PHF21B: variants seen among roughly 807,000 people sequenced by gnomAD.
PHF21B encodes the protein PHD finger protein 21B, also known as PHD finger protein 4.
Under a neutral mutation model 62.2 loss-of-function variants are expected in PHF21B, and 22 were observed. The observed-to-expected ratio is 0.35, with a 90% CI of 0.25 to 0.51. PHF21B has a LOEUF of 0.51. Among genes scored for constraint, PHF21B ranks in the 20% least tolerant of loss-of-function variants. PHF21B has a pLI of 0.97. For missense variants in PHF21B, 701 were observed against 707.9 expected, an observed-to-expected ratio of 0.99 and a Z score of 0.11; for synonymous variants, 341 against 314.7, an observed-to-expected ratio of 1.08 and a Z score of -0.88.
chr22:44,928,612 G>T lies in PHF21B; in HGVS notation c.121-8122C>A, dbSNP rs993102368. Among the ~76,000 whole-genome samples the T allele has an allele frequency of 5.9e-5, 9 of 152,276 alleles. 1 individual carries two copies. On this transcript the variant is annotated intron_variant, in intron 2 of 12. Transcript: ENST00000313237. ...TTTAGTAGAGACAGTGTTTCACCAT[G>T]TTGACTGGGCTGGTCTCGAACTCCC...
intron 2 of PHF21B, among the ~76,000 whole-genome samples, chr22:44,939,933 CA>C (rs1359607553): frequency 6.6e-6 from 1 of 152,052 alleles, no homozygotes; most frequent in Non-Finnish European, 1.5e-5. Context: ...GGGCTTTAAG[CA>C]GGAAGAGTGA....
At chr22:44,923,797 C>T (rs898666819) in intron 2 of PHF21B, among the ~76,000 whole-genome samples, 4 of 151,912 alleles carry the variant, frequency 2.6e-5, no homozygotes, top group African/African-American at 9.7e-5. Flanking sequence ...GTAGGCCAAT[C>T]TCTTGAGGCC....
chr22:44,926,271 G>A (rs2071629554), intron 2 of PHF21B, among the ~76,000 whole-genome samples: 1 of 152,242 alleles, frequency 6.6e-6, no homozygotes, highest in African/African-American at 2.4e-5. Context: ...GGCCCACATG[G>A]CATGTCCCCG....
chr22:44,969,740 C>G (rs1793854858), intron 2 of PHF21B, among the ~76,000 whole-genome samples: 2 of 152,132 alleles, frequency 1.3e-5, no homozygotes, highest in South Asian at 4.1e-4. Flanking sequence ...GCCTGGGGGC[C>G]CAGCTGGCTC....
At chr22:44,999,211 G>A (rs4823430) in intron 2 of PHF21B, among the ~76,000 whole-genome samples, 152,358 of 152,360 alleles carry the variant, frequency 1, 76,178 homozygotes, top group Non-Finnish European at 1. Flanking sequence ...ACAACACAGA[G>A]CAATCTTCAG....
Position 45,009,118 on chromosome 22 carries a change from T to G in PHF21B, c.54+378A>C. ...AAACTACTTCTGCACACCGGGCAGG[T>G]TCGCCCGGGGCGCGGGGGCCCGAGG... On this transcript the variant is annotated intron_variant, in intron 1 of 12. Transcript: ENST00000313237. This position sits in a 1 kb window ranked among gnomAD's most constrained non-coding sequence, Gnocchi z 5.9. 1.1e-6 allele frequency: 1 copy of G among 888,078 alleles called. No homozygotes were observed. Among genetic ancestry groups the G allele is most frequent in the Non-Finnish European group, 1.4e-6 (1 of 694,254 alleles). 55.0% of individuals were successfully genotyped at this position (888,078 alleles called of 1,614,324 possible).
chr22:44,893,116 G>A lies in PHF21B; in HGVS notation c.960+341C>T, dbSNP rs1294772085. 1.3e-5 allele frequency among the ~76,000 whole-genome samples: 2 copies of A among 152,236 alleles called. 1 individual carries two copies. The highest frequency in any genetic ancestry group is 2.9e-5 in the Non-Finnish European group (2 of 68,000). On this transcript the variant is annotated intron_variant, in intron 7 of 12. Coordinates refer to ENST00000313237, the MANE Select transcript of PHF21B (RefSeq NM_138415.5). ...CTAGACAAGGTGTGAGGTGGTCCAG[G>A]GAGGCCAGGGTGTCCAGCCCTGCCT...
intron 5 of PHF21B, among the ~76,000 whole-genome samples, chr22:44,911,610 G>C (rs1041873984): frequency 6.6e-6 from 1 of 152,244 alleles, no homozygotes; most frequent in Admixed American, 6.5e-5. Flanking sequence ...TGCAGGTGCA[G>C]AGAAGTCAAG....
intron 12 of PHF21B, 138 bp from the exon 13 acceptor site, chr22:44,883,442 G>A (rs1171441202): frequency 2.8e-6 from 2 of 720,922 alleles, no homozygotes; most frequent in African/African-American, 3.6e-5. Flanking sequence ...CAAAAACCAG[G>A]CAGTGGTGCA....
chr22:44,889,744 GGGA>G lies in PHF21B; in HGVS notation c.1038+13_1038+15del. The G allele has an allele frequency of 1.3e-6, 2 of 1,584,722 alleles. No individual in the cohort carries two copies. The highest frequency in any genetic ancestry group is 1.7e-6 in the Non-Finnish European group (2 of 1,168,466). On this transcript the variant is annotated intron_variant, in intron 9 of 12. Transcript: ENST00000313237. ...TCCACCCCGGAAGTGTGAAGACGGA[GGGA>G]GGGGACACGTACCTTCCAGCAGGGG... is the stretch of plus-strand genomic sequence containing the variant.
intron 12 of PHF21B, among the ~76,000 whole-genome samples, chr22:44,884,767 C>T (rs953866822): frequency 1.4e-5 from 2 of 141,506 alleles, no homozygotes; most frequent in South Asian, 2.3e-4. Flanking sequence ...ATCATTACCA[C>T]CATCACCATC....
In PHF21B at chr22:44,983,419, C is replaced by T. The variant is rs1023573545; in HGVS notation, c.120+25126G>A. Among the ~76,000 whole-genome samples the T allele has an allele frequency of 4.6e-5, 7 of 152,238 alleles. No individual in the cohort carries two copies. The South Asian group carries it at 1.2e-3, about 27-fold the overall frequency. On this transcript the variant is annotated intron_variant, in intron 2 of 12. Transcript: ENST00000313237. ...CCACTTGGCCCAGGGGAACTCACTACCTCAGGCAGAGGCTTCAGCATGAAC... is the reference window on the plus strand; with the variant it reads ...CCACTTGGCCCAGGGGAACTCACTATCTCAGGCAGAGGCTTCAGCATGAAC...
At chr22:44,893,420 C>T (rs1347339707) in intron 7 of PHF21B, 37 bp downstream of exon 7, 3 of 1,563,500 alleles carry the variant, frequency 1.9e-6, no homozygotes, top group Middle Eastern at 1.7e-4. Context: ...TGGGAGCCCC[C>T]ACCCTCCTGG....
At chr22:44,963,304 C>T (rs951813644) in intron 2 of PHF21B, among the ~76,000 whole-genome samples, 13 of 152,232 alleles carry the variant, frequency 8.5e-5, no homozygotes, top group African/African-American at 3.1e-4. Flanking sequence ...GCAGCGGCCC[C>T]GAGCGCAAGA....
At position 44,896,882 on chromosome 22, in the gene PHF21B, T is replaced by TTTTTTTGTTTTTG. The variant is rs2071068171; in HGVS notation, c.832-800_832-799insCAAAAACAAAAAA. 5.0e-5 allele frequency among the ~76,000 whole-genome samples: 6 copies of TTTTTTTGTTTTTG among 120,618 alleles called. 1 individual carries two copies. In the Admixed American group the frequency reaches 5.4e-4, roughly 11 times the overall value. The allele number at this position is 120,618 out of a possible 152,430, so 79.1% of individuals were successfully genotyped here. On this transcript the variant is annotated intron_variant, in intron 5 of 12. Coordinates refer to ENST00000313237, the MANE Select transcript of PHF21B (RefSeq NM_138415.5). ...CAGGGTGGCACTTAGTTTTATCTGTTTTTTTTTTTTTTTTGAGACAGGTTC... is the reference window on the plus strand; with the variant it reads ...CAGGGTGGCACTTAGTTTTATCTGTTTTTTTTGTTTTTGTTTTTTTTTTTTTTGAGACAGGTTC...
intron 2 of PHF21B, among the ~76,000 whole-genome samples, chr22:45,001,459 T>C (rs1313232724): frequency 6.6e-6 from 1 of 152,174 alleles, no homozygotes; most frequent in South Asian, 2.1e-4. Flanking sequence ...CATCGTCCCA[T>C]CTGCCACCTG....
chr22:45,002,300 A>G (rs1370751117), intron 2 of PHF21B, among the ~76,000 whole-genome samples: 1 of 152,210 alleles, frequency 6.6e-6, no homozygotes, highest in Non-Finnish European at 1.5e-5. Flanking sequence ...ACATGTAACT[A>G]TAAATTGCAT....
intron 8 of PHF21B, among the ~76,000 whole-genome samples, chr22:44,890,439 G>A (rs1197027291): frequency 6.6e-6 from 1 of 152,204 alleles, no homozygotes; most frequent in African/African-American, 2.4e-5. Context: ...CAGTTCCGGA[G>A]TCTGCACAGC....
At chr22:44,908,591 G>C (rs1391528106) in intron 5 of PHF21B, among the ~76,000 whole-genome samples, 2 of 152,188 alleles carry the variant, frequency 1.3e-5, no homozygotes, top group African/African-American at 4.8e-5. Flanking sequence ...CACTTTCTGG[G>C]GAGCTGCAGC....
Sources: gnomAD v4.1 joint callset for allele counts (sites outside exome capture counted in the v4.1 genomes callset) on GRCh38, gnomAD v4.1.1 for gene constraint, Gnocchi (gnomAD v3.1) non-coding constraint, MANE v1.5 for transcripts, NCBI Gene and HGNC (gene_info 2026-07-23, HGNC 2026-07-21) for gene names.